SLC12A5: variants seen among roughly 807,000 people sequenced by gnomAD.
SLC12A5 encodes solute carrier family 12 member 5, also known as K-Cl cotransporter 2.
A neutral mutation model predicts 124.0 loss-of-function variants in SLC12A5; 18 were observed. The ratio of observed to expected loss-of-function variants is 0.15; its 90% CI spans 0.10 to 0.22. The LOEUF is 0.22. Among genes scored for constraint, SLC12A5 ranks in the 10% least tolerant of loss-of-function variants. The pLI is 1.00. For missense variants in SLC12A5, 867 were observed against 1,478.7 expected (o/e 0.59, Z 6.78); for synonymous variants, 589 against 568.0 (o/e 1.04, Z -0.53).
chr20:46,023,930 C>T (rs1050015218), downstream of SLC12A5, among the ~76,000 whole-genome samples: 2 of 152,290 alleles, frequency 1.3e-5, no homozygotes, highest in South Asian at 4.1e-4. Context: ...TCCTGCTTCT[C>T]TACCCTTGCC....
upstream of SLC12A5, among the ~76,000 whole-genome samples, chr20:46,028,264 G>A (rs2145472035): frequency 6.6e-6 from 1 of 152,292 alleles, no homozygotes; most frequent in Non-Finnish European, 1.5e-5. Context: ...CCGACAGGCG[G>A]CCTCATTCCG....
chr20:46,044,462 T>G (rs2084575688), intron 11 of SLC12A5, among the ~76,000 whole-genome samples: 1 of 152,216 alleles, frequency 6.6e-6, no homozygotes. Flanking sequence ...AAGTGTCTTA[T>G]ACACTTTATC....
Position 46,037,238 on chromosome 20 carries a change from C to A in SLC12A5, c.482-17C>A, listed in dbSNP as rs557442256. The A allele has an allele frequency of 6.3e-7, 1 of 1,587,006 alleles. No homozygotes were observed. The highest frequency in any genetic ancestry group is 8.6e-7 in the Non-Finnish European group (1 of 1,165,356). ...AGTGCCCCCGACCCTCTCGCTGATACCAGATTCTCCCTGCAGCTGGTGGCT... is the reference window on the plus strand; with the variant it reads ...AGTGCCCCCGACCCTCTCGCTGATAACAGATTCTCCCTGCAGCTGGTGGCT... On this transcript the variant is annotated splice_polypyrimidine_tract_variant and intron_variant, in intron 5 of 25. Coordinates refer to ENST00000243964, the MANE Select transcript of SLC12A5 (RefSeq NM_020708.5).
chr20:46,057,836 C>A lies in SLC12A5; in HGVS notation c.*231C>A, dbSNP rs2084711403. 6.3e-6 allele frequency: 3 copies of A among 475,892 alleles called. No individual in the cohort carries two copies. The highest frequency in any genetic ancestry group is 1.1e-5 in the Non-Finnish European group (3 of 271,980). The allele number at this position is 475,892 out of a possible 1,614,324, so 29.5% of individuals were successfully genotyped here. ...TGCCAGTTTGGCCCCTGGGTCTTCG[C>A]TGCCCTTTTTCTAAGCCCGGCCTCG... is the stretch of plus-strand genomic sequence containing the variant. On this transcript the variant is annotated 3_prime_UTR_variant, in exon 26 of 26. Coordinates refer to ENST00000243964, the MANE Select transcript of SLC12A5 (RefSeq NM_020708.5). This position sits in a 1 kb window ranked among gnomAD's most constrained non-coding sequence, Gnocchi z 7.1.
chr20:46,057,887 A>C lies in SLC12A5; in HGVS notation c.*282A>C. On this transcript the variant is annotated 3_prime_UTR_variant, in exon 26 of 26. Coordinates refer to ENST00000243964, the MANE Select transcript of SLC12A5 (RefSeq NM_020708.5). The surrounding 1 kb of genome is among the most constrained non-coding windows in gnomAD (Gnocchi z 7.1). ...TCTCGCCGGAGGAGACGCTGCAATA[A>C]AGGTTGGGAGAAGGCGCGGAAAGGA... 1.1e-5 allele frequency: 4 copies of C among 370,740 alleles called. No individual in the cohort carries two copies. The highest frequency in any genetic ancestry group is 4.9e-5 in the East Asian group (1 of 20,548). 23.0% of individuals were successfully genotyped at this position (370,740 alleles called of 1,614,324 possible).
At chr20:46,043,979 A>G (rs1420749568) in intron 11 of SLC12A5, 46 bp downstream of exon 11, 4 of 1,542,128 alleles carry the variant, frequency 2.6e-6, no homozygotes, top group Non-Finnish European at 1.8e-6. Context: ...GGGTGGGTAT[A>G]GAAGGCTGAG....
At chr20:46,055,543 C>A (rs369066191) in intron 21 of SLC12A5, among the ~76,000 whole-genome samples, 16 of 152,064 alleles carry the variant, frequency 1.1e-4, no homozygotes, top group African/African-American at 3.9e-4. Flanking sequence ...GTAGAACCAC[C>A]AGAGTATGGA....
chr20:46,025,051 G>C (rs2145468260), upstream of SLC12A5, among the ~76,000 whole-genome samples: 1 of 152,266 alleles, frequency 6.6e-6, no homozygotes, highest in East Asian at 1.9e-4. Flanking sequence ...TTCTAGCTCA[G>C]GCTCTGTGGT....
Position 46,043,204 on chromosome 20 carries a change from G to A in SLC12A5, c.1118G>A (p.Gly373Glu). Residue 373 changes from glycine (G) to glutamate (E), a missense_variant, in exon 9 of 26, where the codon GGG becomes GAG. Transcript: ENST00000243964. ...AAGGGCGTGATTGTGGAGAGGAGTGGGATGACCTCGGTGGGCCTGGCCGAT... is the reference window on the plus strand; with the variant it reads ...AAGGGCGTGATTGTGGAGAGGAGTGAGATGACCTCGGTGGGCCTGGCCGAT... ...LTKGVIVERSGMTSVGLADGT... is the reference protein window; with the variant it reads ...LTKGVIVERSEMTSVGLADGT... 6.2e-7 allele frequency: 1 copy of A among 1,613,906 alleles called. No homozygotes were observed. Among genetic ancestry groups the A allele is most frequent in the Non-Finnish European group, 8.5e-7 (1 of 1,179,954 alleles).
Position 46,051,788 on chromosome 20 carries a change from G to C in SLC12A5, c.2295G>C (p.Gly765=), listed in dbSNP as rs781626075. 3.1e-6 allele frequency: 5 copies of C among 1,608,298 alleles called. No homozygotes were observed. The Admixed American group carries it at 8.5e-5, about 27-fold the overall frequency. ...TGATCCAGTCCGGGGGCCTCGGGGG[G>C]CTGCAGCACAACACTGTGCTTGTTG... The part of the protein sequence containing the change: ...SHLIQSGGLG[G]LQHNTVLVGW... The change falls in exon 18 of 26, where the codon GGG becomes GGC. Residue 765 remains glycine (G), a synonymous_variant. Coordinates refer to ENST00000243964, the MANE Select transcript of SLC12A5 (RefSeq NM_020708.5).
chr20:46,035,747 T>A (rs985101338), intron 3 of SLC12A5, 30 bp from the exon 4 acceptor site: 7 of 1,599,182 alleles, frequency 4.4e-6, no homozygotes, highest in African/African-American at 2.7e-5. Context: ...TGATGAGGAC[T>A]GCAGAGACTG....
chr20:46,029,026 G>T (rs1316737783), upstream of SLC12A5: 3 of 803,340 alleles, frequency 3.7e-6, no homozygotes, highest in African/African-American at 1.8e-5. Flanking sequence ...GTGCAAGGGG[G>T]CCACTAGTCG....
chr20:46,043,754 G>A (rs1169326435), intron 10 of SLC12A5, 23 bp downstream of exon 10: 2 of 1,613,316 alleles, frequency 1.2e-6, no homozygotes, highest in Non-Finnish European at 1.7e-6. Flanking sequence ...GCTGTGCTGG[G>A]ACCACCCTCG....
intron 21 of SLC12A5, chr20:46,055,716 T>G: frequency 5.6e-6 from 1 of 177,434 alleles, no homozygotes; most frequent in Non-Finnish European, 1.2e-5. Flanking sequence ...CTCCCAGGGG[T>G]GGGTAATGTA....
In SLC12A5 at chr20:46,029,266, C is replaced by G. The variant is rs886594974; in HGVS notation, c.-79C>G. 3 of 1,499,038 alleles carry G rather than the reference C, an allele frequency of 2.0e-6. No homozygotes were observed. The African/African-American group carries it at 4.2e-5, about 21-fold the overall frequency. 92.9% of individuals were successfully genotyped at this position (1,499,038 alleles called of 1,614,324 possible). Reference sequence around the variant, plus strand: ...GAGAGCGAGACAGAGCTACAGCGAACGAGAGAGCGGCGAAGGCGGGTAGAG... The same window carrying G: ...GAGAGCGAGACAGAGCTACAGCGAAGGAGAGAGCGGCGAAGGCGGGTAGAG... On this transcript the variant is annotated 5_prime_UTR_variant, in exon 1 of 26. Coordinates refer to ENST00000243964, the MANE Select transcript of SLC12A5 (RefSeq NM_020708.5).
chr20:46,036,005 G>A (rs1036414327), intron 4 of SLC12A5, 82 bp downstream of exon 4: 3 of 1,501,210 alleles, frequency 2.0e-6, no homozygotes, highest in Non-Finnish European at 2.7e-6. Flanking sequence ...GAGGATGGAA[G>A]CATGAGACCT....
At position 46,037,431 on chromosome 20, in the gene SLC12A5, AGTTAATCAGT is replaced by A. The variant is rs760080124; in HGVS notation, c.612+48_612+57del. 10 of 1,570,412 alleles carry A rather than the reference AGTTAATCAGT, an allele frequency of 6.4e-6. No individual in the cohort carries two copies. In the South Asian group the frequency reaches 1.2e-4, roughly 19 times the overall value. On this transcript the variant is annotated intron_variant, in intron 6 of 25. Transcript: ENST00000243964. ...GGTGTGGAACCCCAGGTTGTCAGTCAGTTAATCAGTGCTCCCTGGACACCTCCTATAGGCC... is the reference window on the plus strand; with the variant it reads ...GGTGTGGAACCCCAGGTTGTCAGTCAGCTCCCTGGACACCTCCTATAGGCC...
At chr20:46,044,477 T>G (rs1211355231) in intron 11 of SLC12A5, among the ~76,000 whole-genome samples, 1 of 152,202 alleles carries the variant, frequency 6.6e-6, no homozygotes, top group Non-Finnish European at 1.5e-5. Flanking sequence ...TTTATCTCAC[T>G]TATCCTTCCT....
At chr20:46,023,008 G>GAGGAGGAGGAGA (rs1212973954) in exon 2 of SLC12A5, 5 of 402,400 alleles carry the variant, frequency 1.2e-5, no homozygotes, top group African/African-American at 6.4e-5. Flanking sequence ...GGAGGAAGAG[G>GAGGAGGAGGAGA]AGGAGGAGGA....
Sources: gnomAD v4.1 joint callset for allele counts (sites outside exome capture counted in the v4.1 genomes callset) on GRCh38, gnomAD v4.1.1 for gene constraint, Gnocchi (gnomAD v3.1) non-coding constraint, MANE v1.5 for transcripts, NCBI Gene and HGNC (gene_info 2026-07-23, HGNC 2026-07-21) for gene names.